The following CTNNA2 variants were observed in gnomAD, a reference collection of about 807,000 sequenced individuals.
CTNNA2 encodes the protein catenin alpha-2.
CTNNA2 carries 42 observed loss-of-function variants against 101.0 expected under a neutral mutation model. That is an observed-to-expected ratio of 0.42 (90% CI 0.32 to 0.54). The LOEUF is 0.54. CTNNA2 is among the 20% of genes least tolerant of loss of function. The pLI, the probability that CTNNA2 is intolerant of heterozygous loss-of-function variation, is 0.14. For missense variants in CTNNA2, 871 were observed against 1,223.1 expected (o/e 0.71, Z 4.29); for synonymous variants, 450 against 456.4 (o/e 0.99, Z 0.18).
intron 3 of CTNNA2, among the ~76,000 whole-genome samples, chr2:79,765,429 C>T (rs1673084193): frequency 6.6e-6 from 1 of 152,082 alleles, no homozygotes; most frequent in Non-Finnish European, 1.5e-5. Context: ...CGTTCCTTTA[C>T]TGAAGTGGTT....
intron 7 of CTNNA2, among the ~76,000 whole-genome samples, chr2:79,912,816 A>G (rs1254924069): frequency 6.6e-6 from 1 of 152,184 alleles, no homozygotes; most frequent in African/African-American, 2.4e-5. Context: ...TATTATGCTG[A>G]GTACTTTAAA....
chr2:79,229,855 A>T lies in CTNNA2; in HGVS notation c.-406+31779A>T, dbSNP rs572483524. ...AGGAACTTGTTGGGAACTGGAGCAA[A>T]GGTGACTCTTGTTATGTTTTAGCAA... On this transcript the variant is annotated intron_variant, in intron 2 of 21. Coordinates refer to the CTNNA2 transcript ENST00000466387. Among the ~76,000 whole-genome samples, 351 of 152,320 alleles carry T rather than the reference A, an allele frequency of 2.3e-3. 2 individuals carry two copies. The highest frequency in any genetic ancestry group is 8.1e-3 in the African/African-American group (336 of 41,576).
At chr2:80,583,310 G>A (rs1341904164) in intron 14 of CTNNA2, among the ~76,000 whole-genome samples, 1 of 152,078 alleles carries the variant, frequency 6.6e-6, no homozygotes, top group South Asian at 2.1e-4. Flanking sequence ...ATCACATGAT[G>A]GTGGGACAAC....
chr2:79,208,035 C>T (rs1307302929), intron 2 of CTNNA2, among the ~76,000 whole-genome samples: 1 of 152,130 alleles, frequency 6.6e-6, no homozygotes, highest in African/African-American at 2.4e-5. Flanking sequence ...CTACTCTGCC[C>T]TCACATATTT....
At chr2:79,805,194 G>T (rs541420755) in intron 3 of CTNNA2, among the ~76,000 whole-genome samples, 1 of 152,224 alleles carries the variant, frequency 6.6e-6, no homozygotes, top group South Asian at 2.1e-4. Context: ...CCAAGCAAAG[G>T]TTGAATATTC....
At chr2:80,454,430 A>G (rs990389672) in intron 9 of CTNNA2, among the ~76,000 whole-genome samples, 1 of 152,196 alleles carries the variant, frequency 6.6e-6, no homozygotes, top group African/African-American at 2.4e-5. Context: ...TACCTTCCCC[A>G]TGTGTAGAAC....
At position 80,353,169 on chromosome 2, in the gene CTNNA2, C is replaced by CATTTAG. The variant is rs1673472434; in HGVS notation, c.1057-40026_1057-40021dup. Among the ~76,000 whole-genome samples the CATTTAG allele has an allele frequency of 3.3e-5, 5 of 152,016 alleles. No homozygotes were observed. In the South Asian group the frequency reaches 1.0e-3, roughly 32 times the overall value. On this transcript the variant is annotated intron_variant, in intron 7 of 18. Coordinates refer to ENST00000402739, the MANE Select transcript of CTNNA2 (RefSeq NM_001282597.3). The stretch of plus-strand genomic sequence containing the variant: ...TCATCAATCATTAGTATTTCCCCTC[C>CATTTAG]ATTTAGATTTAGATTTAGATTCTCC...
intron 2 of CTNNA2, among the ~76,000 whole-genome samples, chr2:79,732,279 T>C (rs1035497432): frequency 6.6e-6 from 1 of 151,956 alleles, no homozygotes; most frequent in African/African-American, 2.4e-5. Flanking sequence ...CCCAGGTCAT[T>C]GAAAAGTGAA....
chr2:79,885,896 A>G (rs1391696459), intron 6 of CTNNA2, among the ~76,000 whole-genome samples: 1 of 152,234 alleles, frequency 6.6e-6, no homozygotes, highest in African/African-American at 2.4e-5. Flanking sequence ...ATAACTAAGT[A>G]TGTGTAAGCA....
intron 1 of CTNNA2, among the ~76,000 whole-genome samples, chr2:79,607,306 T>C (rs558436281): frequency 1.3e-5 from 2 of 152,154 alleles, no homozygotes; most frequent in Non-Finnish European, 2.9e-5. Flanking sequence ...AAAATTTACA[T>C]TATAATCAGA....
In CTNNA2 at chr2:80,458,326, T is replaced by G. The variant is rs73941133; in HGVS notation, c.1290+38725T>G. Among the ~76,000 whole-genome samples the G allele has an allele frequency of 7.7e-3, 1,171 of 152,290 alleles. 22 individuals carry two copies. The highest frequency in any genetic ancestry group is 0.026 in the African/African-American group (1,091 of 41,554). On this transcript the variant is annotated intron_variant, in intron 9 of 18. Coordinates refer to ENST00000402739, the MANE Select transcript of CTNNA2 (RefSeq NM_001282597.3). ...TGACCTATTGTGTATTAATCAGATGTGGACTACTAAAACCTAATTTATTCA... is the reference window on the plus strand; with the variant it reads ...TGACCTATTGTGTATTAATCAGATGGGGACTACTAAAACCTAATTTATTCA...
At chr2:79,380,260 C>CT (rs34858563) in intron 4 of CTNNA2, among the ~76,000 whole-genome samples, 109,592 of 147,206 alleles carry the variant, frequency 0.74, 40,880 homozygotes, top group South Asian at 0.82. Flanking sequence ...TCTTTTCTTT[C>CT]TTTTTTTTTT....
intron 1 of CTNNA2, among the ~76,000 whole-genome samples, chr2:79,544,379 A>G (rs924818348): frequency 6.6e-6 from 1 of 152,184 alleles, no homozygotes; most frequent in African/African-American, 2.4e-5. Context: ...GAAGCCATGA[A>G]CATGGCTTTC....
At chr2:79,280,279 G>A (rs151231039) in intron 2 of CTNNA2, among the ~76,000 whole-genome samples, 4 of 152,096 alleles carry the variant, frequency 2.6e-5, no homozygotes, top group African/African-American at 9.6e-5. Flanking sequence ...ATCCTTCCCT[G>A]GACTCTATTT....
chr2:80,214,549 C>T (rs1460855531), intron 7 of CTNNA2, among the ~76,000 whole-genome samples: 2 of 152,180 alleles, frequency 1.3e-5, no homozygotes, highest in African/African-American at 2.4e-5. Flanking sequence ...CTACCACTCT[C>T]TTCTGGCTTG....
At chr2:80,221,369 A>G (rs1293306131) in intron 7 of CTNNA2, among the ~76,000 whole-genome samples, 1 of 152,152 alleles carries the variant, frequency 6.6e-6, no homozygotes, top group Non-Finnish European at 1.5e-5. Flanking sequence ...TGTATGGTAG[A>G]GAAGGAAGTG....
At chr2:79,232,200 A>C (rs948385776) in intron 2 of CTNNA2, among the ~76,000 whole-genome samples, 2 of 152,296 alleles carry the variant, frequency 1.3e-5, no homozygotes, top group Middle Eastern at 3.4e-3. Context: ...CGCTTGTCAT[A>C]GATGGCTCTT....
At chr2:79,835,012 A>G (rs571039230) in intron 3 of CTNNA2, among the ~76,000 whole-genome samples, 3 of 152,222 alleles carry the variant, frequency 2.0e-5, no homozygotes, top group South Asian at 2.1e-4. Flanking sequence ...TATCTACTCT[A>G]TAGGTCAATT....
At chr2:79,287,575 G>A (rs1675644415) in intron 2 of CTNNA2, among the ~76,000 whole-genome samples, 1 of 149,456 alleles carries the variant, frequency 6.7e-6, no homozygotes, top group Non-Finnish European at 1.5e-5. Context: ...TCAGGGGTCA[G>A]GGACCCACTT....
Sources: allele counts gnomAD v4.1 joint callset (sites outside exome capture counted in the v4.1 genomes callset), GRCh38; gene constraint gnomAD v4.1.1; transcripts MANE v1.5; gene names NCBI Gene and HGNC (gene_info 2026-07-23, HGNC 2026-07-21).